INSRR: variants seen among roughly 807,000 people sequenced by gnomAD.
The protein encoded by INSRR is insulin receptor related receptor, also known as insulin receptor-related protein.
A neutral mutation model predicts 130.0 loss-of-function variants in INSRR; 114 were observed. The ratio of observed to expected loss-of-function variants is 0.88; its 90% CI spans 0.75 to 1.02. The LOEUF (loss-of-function observed/expected upper bound fraction) is 1.02, where lower values mean the gene tolerates loss of function less well. INSRR is among the 50% of genes least tolerant of loss of function. The probability of loss-of-function intolerance (pLI) is 0.00; values close to 1 mark genes in which losing one functional copy is unlikely to be tolerated. For missense variants in INSRR, 1,657 were observed against 1,735.2 expected (o/e 0.95, Z 0.80); for synonymous variants, 674 against 705.2 (o/e 0.96, Z 0.70).
chr1:156,842,599 G>T, intron 17 of INSRR, 91 bp from the exon 18 acceptor site: 1 of 928,034 alleles, frequency 1.1e-6, no homozygotes, highest in Non-Finnish European at 1.7e-6. Context: ...GTCTGACTCA[G>T]ACACCAAACC....
At position 156,854,113 on chromosome 1, in the gene INSRR, C is replaced by T. The variant is rs537594451; in HGVS notation, c.276G>A (p.Glu92=). The change falls in exon 2 of 22, where the codon GAG becomes GAA. Residue 92 remains glutamate, a synonymous_variant. Transcript: ENST00000368195. The surrounding 1 kb of genome is among the most constrained non-coding windows in gnomAD (Gnocchi z 4.2). ...GGTTGGGGAAGAGGTCGCGCAGGCT[C>T]TCCAGTCCGTAGACACGGAAGAGCA... ...YLLLFRVYGL[E]SLRDLFPNLA... is the part of the protein sequence containing the mutation. 1 of 1,614,156 alleles carries T rather than the reference C, an allele frequency of 6.2e-7. No homozygotes were observed. Among genetic ancestry groups the T allele is most frequent in the African/African-American group, 1.3e-5 (1 of 75,072 alleles).
chr1:156,851,263 G>A (rs771295277), intron 5 of INSRR, 27 bp downstream of exon 5: 1 of 1,613,670 alleles, frequency 6.2e-7, no homozygotes, highest in South Asian at 1.1e-5. Flanking sequence ...TGTAATAGAA[G>A]GAGCTGGTCA....
At chr1:156,843,985 T>C (rs1654892952) in intron 15 of INSRR, among the ~76,000 whole-genome samples, 190 bp downstream of exon 15, 1 of 152,276 alleles carries the variant, frequency 6.6e-6, no homozygotes, top group African/African-American at 2.4e-5. Flanking sequence ...ACCAGGAAAG[T>C]CCCAGGCTAA....
At chr1:156,843,400 C>T in intron 16 of INSRR, 27 bp downstream of exon 16, 1 of 1,611,846 alleles carries the variant, frequency 6.2e-7, no homozygotes, top group Admixed American at 1.7e-5. Context: ...TTTCCCACAC[C>T]ACCTGTCCAC....
intron 7 of INSRR, among the ~76,000 whole-genome samples, chr1:156,847,064 A>G (rs1655040384): frequency 1.3e-5 from 2 of 152,218 alleles, no homozygotes; most frequent in Admixed American, 6.5e-5. Context: ...TGTGTGAAAG[A>G]GTCCCCTCTC....
chr1:156,853,052 A>T (rs190073461), intron 2 of INSRR, among the ~76,000 whole-genome samples: 1 of 151,918 alleles, frequency 6.6e-6, no homozygotes, highest in Non-Finnish European at 1.5e-5. Flanking sequence ...TGCACCAGCC[A>T]TCCCTTTTCT....
Position 156,842,198 on chromosome 1 carries a change from G to A in INSRR, c.3311C>T (p.Ala1104Val), listed in dbSNP as rs1558083571. ...CACAAACTTGTTGGCAGCAAGGTAG[G>A]CCATGCCGTCTGCAATCTCACCAGC... The part of the protein sequence containing the change: ...QMAGEIADGM[A>V]YLAANKFVHR... The change falls in exon 19 of 22, where the codon GCC becomes GTC. Residue 1104 changes from alanine to valine, a missense_variant. By Grantham distance (64) the Ala-to-Val change is moderately conservative. Transcript: ENST00000368195. The A allele has an allele frequency of 6.2e-7, 1 of 1,614,050 alleles. No individual in the cohort carries two copies. Among genetic ancestry groups the A allele is most frequent in the East Asian group, 2.2e-5 (1 of 44,868 alleles).
At position 156,841,410 on chromosome 1, in the gene INSRR, C is replaced by T. The variant is rs144096948; in HGVS notation, c.3646G>A (p.Gly1216Ser). ...GTGACTCACAGCTGAAGGGGACAGCCCTCCAGCTCCTCCAGGACCCCGCCA... is the reference window on the plus strand; with the variant it reads ...GTGACTCACAGCTGAAGGGGACAGCTCTCCAGCTCCTCCAGGACCCCGCCA... The part of the protein sequence containing the change: ...MDGGVLEELE[G>S]CPLQLQELMS... Residue 1216 changes from glycine (G) to serine (S), a missense_variant, in exon 21 of 22, where the codon GGC (glycine) becomes AGC (serine). Coordinates refer to ENST00000368195, the MANE Select transcript of INSRR (RefSeq NM_014215.3). 3.2e-4 allele frequency: 512 copies of T among 1,613,602 alleles called. No homozygotes were observed. The highest frequency in any genetic ancestry group is 4.2e-4 in the Non-Finnish European group (500 of 1,179,840).
chr1:156,846,604 C>A lies in INSRR; in HGVS notation c.1725G>T (p.Val575=), dbSNP rs766081248. ...CCTCAGTGGTTAGCGTGATGGCCCGCACAAACACTGCGTACTGTGTCCAAG... is the reference window on the plus strand; with the variant it reads ...CCTCAGTGGTTAGCGTGATGGCCCGAACAAACACTGCGTACTGTGTCCAAG... The part of the protein sequence containing the change: ...LKPWTQYAVF[V]RAITLTTEED... Residue 575 remains valine (V), a synonymous_variant, in exon 8 of 22, where the codon GTG becomes GTT. Transcript: ENST00000368195. 6.2e-7 allele frequency: 1 copy of A among 1,614,174 alleles called. No individual in the cohort carries two copies. The highest frequency in any genetic ancestry group is 1.1e-5 in the South Asian group (1 of 91,082).
In INSRR at chr1:156,843,085, C is replaced by T; in HGVS notation, c.3045G>A (p.Val1015=). The T allele has an allele frequency of 1.9e-6, 3 of 1,614,202 alleles. No individual in the cohort carries two copies. Among genetic ancestry groups the T allele is most frequent in the Non-Finnish European group, 2.5e-6 (3 of 1,180,050 alleles). ...ATTCCCGTGGGCTGGCCAGCTCATT[C>T]ACCGTCTTCAGGGCCACGGGTGTGG... ...EESTPVALKT[V]NELASPRECI... is the part of the protein sequence containing the mutation. The change falls in exon 17 of 22, where the codon GTG becomes GTA. Residue 1015 remains valine, a synonymous_variant. Coordinates refer to ENST00000368195, the MANE Select transcript of INSRR (RefSeq NM_014215.3).
chr1:156,844,880 GGTTCATCTCACCTTAT>G, intron 12 of INSRR, 37 bp from the exon 13 acceptor site: 1 of 1,611,946 alleles, frequency 6.2e-7, no homozygotes, highest in Non-Finnish European at 8.5e-7. Flanking sequence ...GGCCAAAAGT[GGTTCATCTCACCTTAT>G]GTTCAAACCC....
chr1:156,852,270 T>C (rs1655243327), intron 2 of INSRR, 79 bp from the exon 3 acceptor site: 1 of 1,406,170 alleles, frequency 7.1e-7, no homozygotes, highest in East Asian at 2.4e-5. Flanking sequence ...CCCCACCCTG[T>C]TTCTCTTGGG....
chr1:156,857,163 A>G (rs79828329), intron 1 of INSRR, among the ~76,000 whole-genome samples: 1,853 of 130,582 alleles, frequency 0.014, 25 homozygotes, highest in African/African-American at 0.021. Context: ...GCAGCTGTGT[A>G]TGTGTGTGTG....
intron 17 of INSRR, 48 bp downstream of exon 17, chr1:156,842,944 TCTTACCACATGA>T: frequency 7.4e-7 from 1 of 1,345,786 alleles, no homozygotes; most frequent in Admixed American, 1.8e-5. Flanking sequence ...ACCCTTTCTT[TCTTACCACATGA>T]CCTTTACACT....
Position 156,845,266 on chromosome 1 carries a change from C to T in INSRR, c.2247G>A (p.Gly749=), listed in dbSNP as rs752246872. ...AGCTGTTGCCCCCCAGCCGGAGGGG[C>T]CCAGCTGCCCGGCGGTGCCGCCCTG... The part of the protein sequence containing the change: ...RDSGRHRRAA[G]PLRLGGNSSD... Residue 749 remains glycine, a synonymous_variant, in exon 12 of 22, where the codon GGG becomes GGA. Coordinates refer to ENST00000368195, the MANE Select transcript of INSRR (RefSeq NM_014215.3). The T allele has an allele frequency of 3.7e-6, 6 of 1,611,948 alleles. No individual in the cohort carries two copies. In the African/African-American group the frequency reaches 5.3e-5, roughly 14 times the overall value.
intron 19 of INSRR, 45 bp from the exon 20 acceptor site, chr1:156,841,839 C>T (rs1170583770): frequency 1.2e-6 from 2 of 1,613,880 alleles, no homozygotes; most frequent in African/African-American, 2.7e-5. Context: ...GGCATAAGAG[C>T]CACGCACTAG....
chr1:156,857,157 CTGTGTATGTGTGTG>C (rs747719836), intron 1 of INSRR, among the ~76,000 whole-genome samples: 17 of 121,390 alleles, frequency 1.4e-4, no homozygotes, highest in African/African-American at 3.9e-4. Flanking sequence ...TGCCCAGCAG[CTGTGTATGTGTGTG>C]TGTGTGTGTG....
chr1:156,841,818 A>G, intron 19 of INSRR, 24 bp from the exon 20 acceptor site: 13 of 1,614,044 alleles, frequency 8.1e-6, no homozygotes, highest in Non-Finnish European at 1.1e-5. Context: ...GTGAGGGTGG[A>G]GGAGGTGTGG....
chr1:156,846,941 G>A (rs781754479), intron 7 of INSRR, among the ~76,000 whole-genome samples, 184 bp from the exon 8 acceptor site: 7 of 152,180 alleles, frequency 4.6e-5, no homozygotes, highest in Non-Finnish European at 8.8e-5. Context: ...TGTGATATCT[G>A]TGTCAGTGAA....
Sources: gnomAD v4.1 joint callset for allele counts (sites outside exome capture counted in the v4.1 genomes callset) on GRCh38, gnomAD v4.1.1 for gene constraint, Gnocchi (gnomAD v3.1) non-coding constraint, MANE v1.5 for transcripts, NCBI Gene and HGNC (gene_info 2026-07-23, HGNC 2026-07-21) for gene names.